The following PIH1D2 variants were observed in gnomAD, a reference collection of about 807,000 sequenced individuals.
PIH1D2 encodes PIH1 domain containing 2.
A neutral mutation model predicts 31.2 loss-of-function variants in PIH1D2; 25 were observed. That is an observed-to-expected ratio of 0.80 (90% CI 0.58 to 1.12). The LOEUF is 1.12. Ranked by LOEUF, PIH1D2 falls within the 50% of genes most tolerant of loss-of-function variation. PIH1D2 has a pLI of 0.00. For missense variants in PIH1D2, 310 were observed against 356.6 expected (o/e 0.87, Z 1.05); for synonymous variants, 116 against 119.9 (o/e 0.97, Z 0.21).
chr11:112,062,842 A>C, downstream of PIH1D2: 1 of 348,720 alleles, frequency 2.9e-6, no homozygotes, highest in East Asian at 6.9e-5. Flanking sequence ...CGATAGGTAG[A>C]ATTGTGGTTC....
At chr11:112,062,654 T>C (rs1464767421), downstream of PIH1D2, 13 of 1,208,666 alleles carry the variant, frequency 1.1e-5, no homozygotes, top group Admixed American at 1.1e-4. Flanking sequence ...TTATTGAGTC[T>C]GTCCAGATAA....
downstream of PIH1D2, among the ~76,000 whole-genome samples, chr11:112,064,842 A>ATTTTTTT (rs11412850): frequency 7.4e-6 from 1 of 134,936 alleles, no homozygotes; most frequent in Non-Finnish European, 1.6e-5. Flanking sequence ...TGGTCTCCAA[A>ATTTTTTT]TTTTTTTTTT....
chr11:112,064,025 C>T (rs1555183578), downstream of PIH1D2: 1 of 704,036 alleles, frequency 1.4e-6, no homozygotes, highest in Non-Finnish European at 2.2e-6. Flanking sequence ...TCCACACAGA[C>T]TTTTACCTTG....
the PIH1D2 span, among the ~76,000 whole-genome samples, chr11:112,054,123 A>G: frequency 6.6e-6 from 1 of 151,868 alleles, no homozygotes; most frequent in African/African-American, 2.4e-5. Context: ...AGCCTGGCCA[A>G]CATGGTGAAA....
At chr11:112,054,317 T>G in the PIH1D2 span, among the ~76,000 whole-genome samples, 1 of 150,828 alleles carries the variant, frequency 6.6e-6, no homozygotes, top group Admixed American at 6.6e-5. Flanking sequence ...AAGACTGCAT[T>G]TCAAATAATA....
downstream of PIH1D2, chr11:112,062,878 C>T (rs1417913685): frequency 1.5e-5 from 4 of 259,890 alleles, no homozygotes; most frequent in Non-Finnish European, 3.0e-5. Flanking sequence ...ATAAAGGTGA[C>T]CCTGATGAAA....
At chr11:112,068,726 G>A (rs1865011779) in intron 5 of PIH1D2, among the ~76,000 whole-genome samples, 2 of 152,136 alleles carry the variant, frequency 1.3e-5, no homozygotes, top group Admixed American at 6.5e-5. Flanking sequence ...AGAGGTTGCA[G>A]TAAGCTGAGA....
intron 3 of PIH1D2, 80 bp from the exon 4 acceptor site, chr11:112,071,363 A>T: frequency 6.9e-7 from 1 of 1,448,744 alleles, no homozygotes. Context: ...ATTAAACCAT[A>T]TTCCTGATAA....
At chr11:112,054,419 G>C in the PIH1D2 span, among the ~76,000 whole-genome samples, 14 of 152,150 alleles carry the variant, frequency 9.2e-5, no homozygotes, top group African/African-American at 3.4e-4. Flanking sequence ...CTGTGACAGT[G>C]ATTGTGTATG....
At chr11:112,064,245 G>A (rs1864816400), downstream of PIH1D2, 3 of 1,540,264 alleles carry the variant, frequency 1.9e-6, no homozygotes, top group African/African-American at 1.4e-5. Context: ...AAAAACAGTT[G>A]CCTTCTAATA....
chr11:112,063,992 T>C (rs1864795916), downstream of PIH1D2: 3 of 583,432 alleles, frequency 5.1e-6, no homozygotes, highest in South Asian at 7.9e-5. Flanking sequence ...TATTACATGG[T>C]ACACAAGTGA....
chr11:112,072,930 G>T, intron 2 of PIH1D2, 68 bp downstream of exon 2: 1 of 1,379,970 alleles, frequency 7.2e-7, no homozygotes, highest in Non-Finnish European at 9.7e-7. Flanking sequence ...TAAGTGTAAA[G>T]TATTCTCTGG....
intron 1 of PIH1D2, 102 bp from the exon 2 acceptor site, chr11:112,073,307 T>A: frequency 1.3e-6 from 1 of 762,910 alleles, no homozygotes; most frequent in East Asian, 2.8e-5. Flanking sequence ...TTGGTGAAGT[T>A]AGGACAGCAT....
Position 112,067,820 on chromosome 11 carries a change from TAA to T in PIH1D2, c.*49_*50del. The T allele has an allele frequency of 6.3e-7, 1 of 1,598,456 alleles. No individual in the cohort carries two copies. Among genetic ancestry groups the T allele is most frequent in the South Asian group, 1.1e-5 (1 of 88,460 alleles). On this transcript the variant is annotated 3_prime_UTR_variant, in exon 6 of 6. Transcript: ENST00000280350. The stretch of plus-strand genomic sequence containing the variant: ...CTCTTTAGCCAAAATGAAGGTCCTT[TAA>T]TTCACATGACTTTAGCACTGAAAAC...
the PIH1D2 span, among the ~76,000 whole-genome samples, chr11:112,055,536 G>A: frequency 7.9e-5 from 12 of 151,812 alleles, no homozygotes; most frequent in Admixed American, 4.6e-4. Flanking sequence ...GAGCCACCGC[G>A]CCCGGCCAAG....
chr11:112,070,246 A>G (rs1566655056), intron 5 of PIH1D2, 190 bp downstream of exon 5: 2 of 664,766 alleles, frequency 3.0e-6, no homozygotes, highest in South Asian at 2.0e-5. Flanking sequence ...GATCCACTGC[A>G]TGGTTTGATC....
At chr11:112,056,599 G>A in the PIH1D2 span, among the ~76,000 whole-genome samples, 4 of 151,948 alleles carry the variant, frequency 2.6e-5, no homozygotes, top group Non-Finnish European at 4.4e-5. Flanking sequence ...ATGTTTTCCA[G>A]TTTTTTGCTA....
intron 2 of PIH1D2, 115 bp downstream of exon 2, chr11:112,072,883 A>AC: frequency 9.2e-7 from 1 of 1,089,046 alleles, no homozygotes; most frequent in Non-Finnish European, 1.2e-6. Context: ...ACAAAACAAA[A>AC]CAAAACAAAA....
chr11:112,059,424 G>A (rs587603440), downstream of PIH1D2, among the ~76,000 whole-genome samples: 11 of 149,448 alleles, frequency 7.4e-5, no homozygotes, highest in South Asian at 8.5e-4. Flanking sequence ...ATGGAGTCTC[G>A]CTCTGCTGCC....
Sources: allele counts gnomAD v4.1 joint callset (sites outside exome capture counted in the v4.1 genomes callset), GRCh38; gene constraint gnomAD v4.1.1; transcripts MANE v1.5; gene names NCBI Gene and HGNC (gene_info 2026-07-23, HGNC 2026-07-21).